Variants in RNF17 observed in about 807,000 individuals in gnomAD.
The protein encoded by RNF17 is ring finger protein 17.
In RNF17, 31 loss-of-function variants were observed where a neutral mutation model predicts 200.5. The observed-to-expected ratio is 0.15, with a 90% confidence interval of 0.12 to 0.21. The LOEUF is 0.21. RNF17 is among the 10% of genes least tolerant of loss of function. RNF17 has a pLI of 1.00. For missense variants in RNF17, 1,628 were observed against 1,905.1 expected (o/e 0.85, Z 2.71); for synonymous variants, 606 against 637.8 (o/e 0.95, Z 0.75).
At chr13:24,811,953 C>T (rs1358779386) in intron 15 of RNF17, among the ~76,000 whole-genome samples, 18 of 151,992 alleles carry the variant, frequency 1.2e-4, no homozygotes, top group Non-Finnish European at 1.9e-4. Context: ...TTAGGCTGCT[C>T]GGGGGTCAGG....
At chr13:24,768,442 GC>G (rs1313556222) in intron 2 of RNF17, among the ~76,000 whole-genome samples, 2 of 151,854 alleles carry the variant, frequency 1.3e-5, no homozygotes, top group East Asian at 3.9e-4. Flanking sequence ...GTGCCACCAC[GC>G]CCGACTAATT....
At chr13:24,811,468 C>G (rs1886606846) in intron 15 of RNF17, among the ~76,000 whole-genome samples, 1 of 152,172 alleles carries the variant, frequency 6.6e-6, no homozygotes, top group South Asian at 2.1e-4. Context: ...TCACGTAGTT[C>G]TTGAGCCTTG....
intron 15 of RNF17, among the ~76,000 whole-genome samples, chr13:24,809,085 A>G (rs1185352660): frequency 1.3e-5 from 2 of 151,604 alleles, no homozygotes; most frequent in African/African-American, 4.8e-5. Context: ...ATGTTCATCA[A>G]GGATATCGGT....
At chr13:24,863,839 CCA>C (rs963189663) in intron 28 of RNF17, among the ~76,000 whole-genome samples, 5 of 152,180 alleles carry the variant, frequency 3.3e-5, no homozygotes, top group African/African-American at 1.2e-4. Flanking sequence ...AATGTGCATG[CCA>C]CACAACCCAG....
chr13:24,754,373 A>G, the RNF17 span, among the ~76,000 whole-genome samples: 4 of 152,220 alleles, frequency 2.6e-5, no homozygotes, highest in Non-Finnish European at 4.4e-5. Context: ...TCACATGTAA[A>G]GCATCAGAAC....
Position 24,778,292 on chromosome 13 carries a change from C to T in RNF17, c.318-3C>T. 6.4e-7 allele frequency: 1 copy of T among 1,571,174 alleles called. No individual in the cohort carries two copies. Among genetic ancestry groups the T allele is most frequent in the Non-Finnish European group, 8.8e-7 (1 of 1,142,470 alleles). ...ATAAAATAATATACTTGATACTTTTCAGGATAAAGAATTGTTCTCAGGACT... is the reference window on the plus strand; with the variant it reads ...ATAAAATAATATACTTGATACTTTTTAGGATAAAGAATTGTTCTCAGGACT... On this transcript the variant is annotated splice_region_variant and splice_polypyrimidine_tract_variant and intron_variant, in intron 3 of 35. Coordinates refer to ENST00000255324, the MANE Select transcript of RNF17 (RefSeq NM_031277.3).
At chr13:24,807,624 T>G (rs1189158824) in intron 15 of RNF17, among the ~76,000 whole-genome samples, 3 of 152,192 alleles carry the variant, frequency 2.0e-5, no homozygotes, top group Non-Finnish European at 4.4e-5. Flanking sequence ...TAGTTTCTTT[T>G]GCTGTGCAGA....
intron 25 of RNF17, among the ~76,000 whole-genome samples, chr13:24,856,229 G>A (rs1892474975): frequency 6.6e-6 from 1 of 151,966 alleles, no homozygotes; most frequent in Non-Finnish European, 1.5e-5. Flanking sequence ...AGACCAGCCT[G>A]GCCAATGTGG....
At chr13:24,809,192 A>G (rs1455348655) in intron 15 of RNF17, among the ~76,000 whole-genome samples, 32 of 148,536 alleles carry the variant, frequency 2.2e-4, no homozygotes, top group Admixed American at 4.7e-4. Flanking sequence ...CTCTTTTTCT[A>G]TTGATTGGAA....
intron 15 of RNF17, among the ~76,000 whole-genome samples, chr13:24,818,187 C>T (rs1374146700): frequency 6.6e-6 from 1 of 152,026 alleles, no homozygotes; most frequent in Non-Finnish European, 1.5e-5. Flanking sequence ...TTGAATTTTG[C>T]AGTTTTTCTC....
chr13:24,804,231 C>A, intron 14 of RNF17, 57 bp from the exon 15 acceptor site: 1 of 1,545,844 alleles, frequency 6.5e-7, no homozygotes, highest in Non-Finnish European at 8.8e-7. Flanking sequence ...CCACTGCACT[C>A]CAGCCTGGGT....
chr13:24,796,221 AAGT>A lies in RNF17; in HGVS notation c.1327_1329del (p.Val443del). 1.9e-6 allele frequency: 3 copies of A among 1,612,954 alleles called. No homozygotes were observed. Among genetic ancestry groups the A allele is most frequent in the Non-Finnish European group, 2.5e-6 (3 of 1,179,178 alleles). On this transcript the variant is annotated inframe_deletion, in exon 11 of 36. Coordinates refer to ENST00000255324, the MANE Select transcript of RNF17 (RefSeq NM_031277.3). Reference sequence around the variant, plus strand: ...AAGTATTCACAAATAAAAGACGCCAAAGTACTGGAGAAGAAGGTGAATGAATTT... The same window carrying A: ...AAGTATTCACAAATAAAAGACGCCAAACTGGAGAAGAAGGTGAATGAATTT...
chr13:24,883,391 T>C (rs1193902196), downstream of RNF17: 12 of 1,540,960 alleles, frequency 7.8e-6, no homozygotes, highest in African/African-American at 1.4e-5. Context: ...AAAAAAAATA[T>C]GATTTCTTAA....
intron 15 of RNF17, among the ~76,000 whole-genome samples, chr13:24,806,910 G>C (rs992089716): frequency 1.3e-4 from 20 of 150,040 alleles, no homozygotes; most frequent in African/African-American, 4.9e-4. Flanking sequence ...TTGGTTTTTT[G>C]TTCTTGCGAT....
At chr13:24,851,269 C>T (rs1891865259) in intron 23 of RNF17, among the ~76,000 whole-genome samples, 187 bp from the exon 24 acceptor site, 1 of 152,238 alleles carries the variant, frequency 6.6e-6, no homozygotes, top group Admixed American at 6.5e-5. Flanking sequence ...GCTGGGATTA[C>T]AGGCGTGAGC....
chr13:24,828,790 GA>G (rs1353968466), intron 16 of RNF17, among the ~76,000 whole-genome samples: 1 of 149,724 alleles, frequency 6.7e-6, no homozygotes, highest in African/African-American at 2.5e-5. Context: ...ATGTTAGTTT[GA>G]TTTTTTTTTT....
chr13:24,855,485 G>A (rs1199162986), intron 25 of RNF17, among the ~76,000 whole-genome samples: 2 of 151,990 alleles, frequency 1.3e-5, no homozygotes, highest in African/African-American at 4.8e-5. Flanking sequence ...AAAATTAGCT[G>A]GACATGGTGG....
chr13:24,866,450 C>T (rs1893632288), intron 30 of RNF17, among the ~76,000 whole-genome samples: 1 of 152,198 alleles, frequency 6.6e-6, no homozygotes. Flanking sequence ...TGCATTCTTC[C>T]TTCCCTAGCT....
At chr13:24,787,716 C>T (rs2137610181) in intron 6 of RNF17, among the ~76,000 whole-genome samples, 1 of 152,272 alleles carries the variant, frequency 6.6e-6, no homozygotes, top group South Asian at 2.1e-4. Flanking sequence ...TCCTGCCTTC[C>T]ACAAAATTTG....
Sources: allele counts gnomAD v4.1 joint callset (sites outside exome capture counted in the v4.1 genomes callset), GRCh38; gene constraint gnomAD v4.1.1; transcripts MANE v1.5; gene names NCBI Gene and HGNC (gene_info 2026-07-23, HGNC 2026-07-21).